The following SLC30A10 variants were observed in gnomAD, a reference collection of about 807,000 sequenced individuals.
The protein encoded by SLC30A10 is solute carrier family 30 member 10.
In SLC30A10, 8 loss-of-function variants were observed where a neutral mutation model predicts 21.7. That is an observed-to-expected ratio of 0.37 (90% confidence interval 0.22 to 0.67). SLC30A10 has a LOEUF of 0.67. SLC30A10 is among the 30% of genes least tolerant of loss of function. The pLI is 0.58. For missense variants in SLC30A10, 521 were observed against 642.5 expected, an observed-to-expected ratio of 0.81 and a Z score of 2.04; for synonymous variants, 272 against 279.4, an observed-to-expected ratio of 0.97 and a Z score of 0.26.
chr1:219,925,787 C>G (rs1659807826), intron 2 of SLC30A10, among the ~76,000 whole-genome samples: 1 of 149,036 alleles, frequency 6.7e-6, no homozygotes, highest in South Asian at 2.2e-4. Flanking sequence ...TCCCGAGTAG[C>G]TGGGATTACA....
At chr1:219,929,059 C>T (rs1367779759), upstream of SLC30A10, among the ~76,000 whole-genome samples, 1 of 152,248 alleles carries the variant, frequency 6.6e-6, no homozygotes, top group Non-Finnish European at 1.5e-5. Flanking sequence ...GAGGGTGCTT[C>T]CTGCTTTTCA....
At chr1:219,956,901 T>C (rs1478023273) in intron 1 of SLC30A10, among the ~76,000 whole-genome samples, 2 of 152,220 alleles carry the variant, frequency 1.3e-5, no homozygotes, top group Non-Finnish European at 2.9e-5. Flanking sequence ...GCTTTTGTTA[T>C]GTGCAGGTAA....
At chr1:219,952,457 T>C (rs1355658774) in intron 1 of SLC30A10, among the ~76,000 whole-genome samples, 2 of 152,178 alleles carry the variant, frequency 1.3e-5, no homozygotes, top group African/African-American at 4.8e-5. Context: ...CTTTCCACAG[T>C]CCATAACTGT....
At chr1:219,930,585 T>C (rs535568828), upstream of SLC30A10, among the ~76,000 whole-genome samples, 98 of 152,304 alleles carry the variant, frequency 6.4e-4, no homozygotes, top group African/African-American at 2.1e-3. Context: ...ATAACAGCCA[T>C]GCTAAAGCAT....
At chr1:219,921,861 G>A (rs1175549091) in intron 2 of SLC30A10, among the ~76,000 whole-genome samples, 1 of 149,254 alleles carries the variant, frequency 6.7e-6, no homozygotes, top group Non-Finnish European at 1.5e-5. Flanking sequence ...AAATTCTGTG[G>A]GGTGTCTCTG....
chr1:219,945,039 G>A (rs996090166), intron 1 of SLC30A10, among the ~76,000 whole-genome samples: 1 of 152,026 alleles, frequency 6.6e-6, no homozygotes, highest in Non-Finnish European at 1.5e-5. Context: ...TTAATCTTAA[G>A]AGCATTATGC....
chr1:219,918,567 C>T lies in SLC30A10; in HGVS notation c.719-73G>A, dbSNP rs1012648492. 2 of 1,507,366 alleles carry T rather than the reference C, an allele frequency of 1.3e-6. No individual in the cohort carries two copies. Among genetic ancestry groups the T allele is most frequent in the Non-Finnish European group, 1.8e-6 (2 of 1,129,588 alleles). 93.4% of individuals were successfully genotyped at this position (1,507,366 alleles called of 1,614,324 possible). ...ACGTGACACTCACTGACTTGGGTGT[C>T]CGGGTATATGAATATCTGTTACCAT... On this transcript the variant is annotated intron_variant, in intron 2 of 3. Coordinates refer to ENST00000366926, the MANE Select transcript of SLC30A10 (RefSeq NM_018713.3). The surrounding 1 kb of genome is among the most constrained non-coding windows in gnomAD (Gnocchi z 4.4).
chr1:219,921,924 A>C, intron 2 of SLC30A10, among the ~76,000 whole-genome samples: 1 of 70,640 alleles, frequency 1.4e-5, no homozygotes, highest in East Asian at 5.7e-4. Context: ...AGAGAGACAG[A>C]GAGAGAGAGA....
intron 1 of SLC30A10, among the ~76,000 whole-genome samples, chr1:219,933,727 T>C (rs921997400): frequency 3.3e-5 from 5 of 152,344 alleles, no homozygotes; most frequent in Admixed American, 2.6e-4. Flanking sequence ...AATATTTTCC[T>C]TCACCAAAGG....
chr1:219,956,947 T>C (rs1240286224), intron 1 of SLC30A10, among the ~76,000 whole-genome samples: 1 of 152,212 alleles, frequency 6.6e-6, no homozygotes, highest in Non-Finnish European at 1.5e-5. Context: ...AAATCAGAAC[T>C]GTTATGTGAC....
chr1:219,920,342 T>G (rs1028497900), intron 2 of SLC30A10, among the ~76,000 whole-genome samples: 6 of 152,142 alleles, frequency 3.9e-5, no homozygotes, highest in Non-Finnish European at 8.8e-5. Flanking sequence ...TTAACTTGCT[T>G]CAGGACAGTA....
In SLC30A10 at chr1:219,927,818, AC is replaced by A; in HGVS notation, c.622del (p.Val208CysfsTer5). 2.6e-6 allele frequency: 4 copies of A among 1,545,398 alleles called. No individual in the cohort carries two copies. The highest frequency in any genetic ancestry group is 3.5e-6 in the Non-Finnish European group (4 of 1,146,298). ...AAAGGCACCTGCTACGTTTGCGAAC[AC>A]GGTCGCCCCCTTCTCCCGCTTCCTT... ...VERKREKGAT[V>X]FANVAGDSFN... is the part of the protein sequence containing the mutation. On this transcript the variant is annotated frameshift_variant, in exon 1 of 4. Coordinates refer to ENST00000366926, the MANE Select transcript of SLC30A10 (RefSeq NM_018713.3). LOFTEE classifies it high-confidence loss of function.
chr1:219,918,892 G>T lies in SLC30A10; in HGVS notation c.719-398C>A. On this transcript the variant is annotated intron_variant, in intron 2 of 3. Transcript: ENST00000366926. This position sits in a 1 kb window ranked among gnomAD's most constrained non-coding sequence, Gnocchi z 4.4. Reference sequence around the variant, plus strand: ...TACGTTGTTTTAAACATGTTTAAGGGGAGAGAGAACAAGTTGTATTAAGAG... The same window carrying T: ...TACGTTGTTTTAAACATGTTTAAGGTGAGAGAGAACAAGTTGTATTAAGAG... 6.1e-6 allele frequency: 1 copy of T among 165,052 alleles called. No individual in the cohort carries two copies. Among genetic ancestry groups the T allele is most frequent in the Non-Finnish European group, 1.3e-5 (1 of 76,920 alleles). 10.2% of individuals were successfully genotyped at this position (165,052 alleles called of 1,614,324 possible).
rs146096083 is a variant in SLC30A10, at chr1:219,915,560, G to C, written c.1347C>G (p.Asp449Glu). ...TYGSDGLSRR[D>E]AREVAIEVSL... ...ACACTTCAATAGCCACTTCTCTTGC[G>C]TCTCTTCTACTGAGGCCATCACTTC... The change falls in exon 4 of 4, where the codon GAC (aspartate) becomes GAG (glutamate). Residue 449 changes from aspartate (D) to glutamate (E), a missense_variant. Physicochemically the swap from Asp to Glu is conservative, Grantham distance 45 (BLOSUM62 2). Coordinates refer to ENST00000366926, the MANE Select transcript of SLC30A10 (RefSeq NM_018713.3). 1 of 1,614,204 alleles carries C rather than the reference G, an allele frequency of 6.2e-7. No homozygotes were observed. Among genetic ancestry groups the C allele is most frequent in the Non-Finnish European group, 8.5e-7 (1 of 1,180,044 alleles).
rs556678849 is a variant in SLC30A10 at position 219,951,879 on chromosome 1, G to T, written n.80+6689C>A. 3.3e-5 allele frequency among the ~76,000 whole-genome samples: 5 copies of T among 152,222 alleles called. No individual in the cohort carries two copies. In the East Asian group the frequency reaches 9.7e-4, roughly 29 times the overall value. ...GCCTCCCAAAGTGCTGGGATTACAGGCATGAACATTGTGCCCAGCTGAAAT... is the reference window on the plus strand; with the variant it reads ...GCCTCCCAAAGTGCTGGGATTACAGTCATGAACATTGTGCCCAGCTGAAAT... On this transcript the variant is annotated intron_variant and non_coding_transcript_variant, in intron 1 of 8. Transcript: ENST00000484239.
intron 1 of SLC30A10, among the ~76,000 whole-genome samples, chr1:219,944,499 G>A (rs1172209830): frequency 1.3e-5 from 2 of 152,086 alleles, no homozygotes; most frequent in Non-Finnish European, 1.5e-5. Context: ...GGGCCCAGTA[G>A]CAGAAATGGG....
At chr1:219,917,341 T>C (rs78219646) in intron 3 of SLC30A10, among the ~76,000 whole-genome samples, 3,142 of 152,214 alleles carry the variant, frequency 0.021, 83 homozygotes, top group East Asian at 0.084. Flanking sequence ...ACTAAAAACA[T>C]ATCCAGTATA....
At chr1:219,939,587 G>A (rs956276503) in intron 1 of SLC30A10, among the ~76,000 whole-genome samples, 4 of 152,056 alleles carry the variant, frequency 2.6e-5, no homozygotes, top group African/African-American at 9.7e-5. Context: ...CTGCCACTGC[G>A]CCCAGCTGAT....
chr1:219,928,176 G>A lies in SLC30A10; in HGVS notation c.265C>T (p.Leu89Phe), dbSNP rs1361957487. The A allele has an allele frequency of 3.8e-6, 6 of 1,559,404 alleles. No individual in the cohort carries two copies. The highest frequency in any genetic ancestry group is 5.2e-6 in the Non-Finnish European group (6 of 1,151,796). The change falls in exon 1 of 4, where the codon CTC becomes TTC. Residue 89 changes from leucine (L) to phenylalanine (F), a missense_variant. By Grantham distance (22) the Leu-to-Phe change is conservative. Transcript: ENST00000366926. This position sits in a 1 kb window ranked among gnomAD's most constrained non-coding sequence, Gnocchi z 6.3. ...VVGALSNAVF[L>F]TALCFTIFVE... ...AAGATGGTGAAGCAGAGCGCGGTGA[G>A]GAAGACCGCGTTGCTCAGCGCGCCC...
Sources: gnomAD v4.1 joint callset for allele counts (sites outside exome capture counted in the v4.1 genomes callset) on GRCh38, gnomAD v4.1.1 for gene constraint, Gnocchi (gnomAD v3.1) non-coding constraint, MANE v1.5 for transcripts, NCBI Gene and HGNC (gene_info 2026-07-23, HGNC 2026-07-21) for gene names.